DPYSL2: variants seen among roughly 807,000 people sequenced by gnomAD.
DPYSL2 encodes the protein dihydropyrimidinase like 2.
A neutral mutation model predicts 69.9 loss-of-function variants in DPYSL2; 13 were observed. The ratio of observed to expected loss-of-function variants is 0.19; its 90% CI spans 0.12 to 0.30. DPYSL2 has a LOEUF of 0.30. DPYSL2 is among the 10% of genes least tolerant of loss of function. The probability of loss-of-function intolerance (pLI) is 1.00; values close to 1 mark genes in which losing one functional copy is unlikely to be tolerated. For synonymous variants in DPYSL2, 326 were observed against 359.1 expected (o/e 0.91, Z 1.04); for missense variants, 587 against 918.9 (o/e 0.64, Z 4.67).
intron 1 of DPYSL2, among the ~76,000 whole-genome samples, chr8:26,581,065 AC>A (rs1801481834): frequency 6.6e-6 from 1 of 152,194 alleles, no homozygotes; most frequent in South Asian, 2.1e-4. Context: ...GTGGGAGTTT[AC>A]CTTTTTCTTA....
intron 3 of DPYSL2, among the ~76,000 whole-genome samples, chr8:26,592,284 T>C (rs1404212894): frequency 6.6e-6 from 1 of 152,132 alleles, no homozygotes; most frequent in Non-Finnish European, 1.5e-5. Flanking sequence ...GTCCCAGTAG[T>C]TGGGACTGTA....
rs531244886 is a variant in DPYSL2 at position 26,527,193 on chromosome 8, A to G, written c.354+12514A>G. On this transcript the variant is annotated intron_variant, in intron 1 of 13. Coordinates refer to ENST00000521913, the MANE Select transcript of DPYSL2 (RefSeq NM_001197293.3). ...ATTTCTGTTCAACAGGAGAATGCCC[A>G]ACCCTGCTGTGACTGGCAGGTCAGC... is the stretch of plus-strand genomic sequence containing the variant. Among the ~76,000 whole-genome samples the G allele has an allele frequency of 2.5e-3, 384 of 152,322 alleles. 2 individuals carry two copies. Among genetic ancestry groups the G allele is most frequent in the Non-Finnish European group, 4.5e-3 (308 of 68,028 alleles).
chr8:26,640,027 G>T lies in DPYSL2; in HGVS notation c.1127-3412G>T, dbSNP rs1803005322. 6.6e-6 allele frequency among the ~76,000 whole-genome samples: 1 copy of T among 152,206 alleles called. No homozygotes were observed. Among genetic ancestry groups the T allele is most frequent in the African/African-American group, 2.4e-5 (1 of 41,458 alleles). On this transcript the variant is annotated intron_variant, in intron 8 of 13. Coordinates refer to ENST00000521913, the MANE Select transcript of DPYSL2 (RefSeq NM_001197293.3). This position sits in a 1 kb window ranked among gnomAD's most constrained non-coding sequence, Gnocchi z 4.2. ...AGGCAAAGGAGAATGGTGAGAGCGT[G>T]TGTAACTGTCTGTCTGTCTGTCCAT...
chr8:26,518,121 C>T (rs758399816), intron 1 of DPYSL2, among the ~76,000 whole-genome samples: 2 of 152,206 alleles, frequency 1.3e-5, no homozygotes, highest in African/African-American at 2.4e-5. Context: ...AGGCAAACAA[C>T]TGATGCCCAA....
intron 1 of DPYSL2, chr8:26,578,143 T>C (rs1020619554): frequency 6.3e-7 from 1 of 1,586,340 alleles, no homozygotes; most frequent in Non-Finnish European, 8.5e-7. Context: ...TGCACCCTTT[T>C]CAATCTTGCA....
chr8:26,597,068 TA>T lies in DPYSL2; in HGVS notation c.628+13086del, dbSNP rs1303491320. Among the ~76,000 whole-genome samples the T allele has an allele frequency of 6.6e-6, 1 of 152,234 alleles. No individual in the cohort carries two copies. The highest frequency in any genetic ancestry group is 1.5e-5 in the Non-Finnish European group (1 of 68,034). On this transcript the variant is annotated intron_variant, in intron 3 of 13. Transcript: ENST00000521913. This position sits in a 1 kb window ranked among gnomAD's most constrained non-coding sequence, Gnocchi z 5.2. The stretch of plus-strand genomic sequence containing the variant: ...ATAGGCAGAAAATGATCAGATATCA[TA>T]CGTCTCCTACTAAGTGGGAGGCTGC...
chr8:26,601,814 A>G (rs1466867921), intron 3 of DPYSL2, among the ~76,000 whole-genome samples: 3 of 152,248 alleles, frequency 2.0e-5, no homozygotes, highest in Non-Finnish European at 4.4e-5. Flanking sequence ...GCCTGGAACA[A>G]AGACAGTACT....
rs542336656 is a variant in DPYSL2, at chr8:26,559,140, A to G, written c.355-22829A>G. 3.3e-5 allele frequency among the ~76,000 whole-genome samples: 5 copies of G among 152,138 alleles called. No homozygotes were observed. In the East Asian group the frequency reaches 9.6e-4, roughly 29 times the overall value. ...TGTATTTTAGTAGAGTTGGGGTTTC[A>G]CCGTGTTGCCCAGGCTGGTCTCGAA... On this transcript the variant is annotated intron_variant, in intron 1 of 13. Transcript: ENST00000521913.
Position 26,650,763 on chromosome 8 carries a change from C to T in DPYSL2, c.1597-1494C>T, listed in dbSNP as rs144255393. ...GGGTGGCAGAAAATCTCGCAGGCCT[C>T]GACCTTGGCATTGGTTGCCAAGAGG... is the stretch of plus-strand genomic sequence containing the variant. On this transcript the variant is annotated intron_variant, in intron 11 of 13. Transcript: ENST00000521913. The surrounding 1 kb of genome is among the most constrained non-coding windows in gnomAD (Gnocchi z 5.3). 4.9e-3 allele frequency among the ~76,000 whole-genome samples: 748 copies of T among 152,258 alleles called. 5 individuals are homozygous for T. The highest frequency in any genetic ancestry group is 0.017 in the African/African-American group (724 of 41,556).
Position 26,627,811 on chromosome 8 carries a change from G to GC in DPYSL2, c.937-59dup, listed in dbSNP as rs1802654640. On this transcript the variant is annotated intron_variant, in intron 6 of 13. Transcript: ENST00000521913. The surrounding 1 kb of genome is among the most constrained non-coding windows in gnomAD (Gnocchi z 6.9). ...CGGATAACTGCATGCCCGGGCCTCTGCCATCAGAGCTGTGCAAAATCCACT... is the reference window on the plus strand; with the variant it reads ...CGGATAACTGCATGCCCGGGCCTCTGCCCATCAGAGCTGTGCAAAATCCACT... The GC allele has an allele frequency of 6.4e-7, 1 of 1,555,844 alleles. No homozygotes were observed. The highest frequency in any genetic ancestry group is 1.1e-5 in the South Asian group (1 of 87,510).
At chr8:26,524,284 A>G (rs1808439991) in intron 1 of DPYSL2, among the ~76,000 whole-genome samples, 1 of 152,168 alleles carries the variant, frequency 6.6e-6, no homozygotes, top group Non-Finnish European at 1.5e-5. Flanking sequence ...GCATCTTTTC[A>G]CAAAAGATTA....
intron 3 of DPYSL2, among the ~76,000 whole-genome samples, chr8:26,600,987 C>T (rs1456936002): frequency 6.6e-6 from 1 of 152,196 alleles, no homozygotes; most frequent in Admixed American, 6.5e-5. Flanking sequence ...TCCAGTGTCA[C>T]CCTTCTGACA....
intron 1 of DPYSL2, among the ~76,000 whole-genome samples, chr8:26,549,607 C>A (rs1800839935): frequency 6.6e-6 from 1 of 152,020 alleles, no homozygotes; most frequent in Admixed American, 6.6e-5. Context: ...AAAATCTATC[C>A]CTGGGCATAT....
intron 1 of DPYSL2, among the ~76,000 whole-genome samples, chr8:26,556,998 T>TATCCA (rs1800999061): frequency 6.6e-6 from 1 of 152,138 alleles, no homozygotes; most frequent in African/African-American, 2.4e-5. Flanking sequence ...CAACAAATGA[T>TATCCA]GCTGGAACAA....
Position 26,564,929 on chromosome 8 carries a change from C to T in DPYSL2, c.355-17040C>T, listed in dbSNP as rs11776664. Among the ~76,000 whole-genome samples, 15,552 of 152,028 alleles carry T rather than the reference C, an allele frequency of 0.1. 878 individuals are homozygous for T. The highest frequency in any genetic ancestry group is 0.12 in the Non-Finnish European group (8,230 of 67,960). ...TTTTATGCCTAGCCCCATTCCCACC[C>T]TCCTTCTTCTGAGTCTCCAAAGTCC... On this transcript the variant is annotated intron_variant, in intron 1 of 13. Transcript: ENST00000521913. The surrounding 1 kb of genome is among the most constrained non-coding windows in gnomAD (Gnocchi z 4.8).
At chr8:26,633,684 C>G (rs1475179332) in intron 7 of DPYSL2, among the ~76,000 whole-genome samples, 1 of 151,808 alleles carries the variant, frequency 6.6e-6, no homozygotes, top group Non-Finnish European at 1.5e-5. Flanking sequence ...CCATGTTGGT[C>G]AGGCTGGTCT....
chr8:26,525,269 G>C (rs1217916521), intron 1 of DPYSL2, among the ~76,000 whole-genome samples: 1 of 152,214 alleles, frequency 6.6e-6, no homozygotes, highest in Non-Finnish European at 1.5e-5. Context: ...ACCCAGGCTG[G>C]AGTGCGGTGG....
chr8:26,536,328 G>A (rs1029858800), intron 1 of DPYSL2, among the ~76,000 whole-genome samples: 74 of 151,734 alleles, frequency 4.9e-4, no homozygotes, highest in Admixed American at 4.6e-4. Context: ...CAAAGTGCTG[G>A]GATTACATGC....
rs1803211864 is a variant in DPYSL2, at chr8:26,648,186, A to T, written c.1596+386A>T. On this transcript the variant is annotated intron_variant, in intron 11 of 13. Transcript: ENST00000521913. This position sits in a 1 kb window ranked among gnomAD's most constrained non-coding sequence, Gnocchi z 4.3. ...AAGCAGTGAGATGTCCTCTCCTGAG[A>T]TGCCCACTGGGGACTTTGATCCTCT... Among the ~76,000 whole-genome samples the T allele has an allele frequency of 6.6e-6, 1 of 152,188 alleles. No homozygotes were observed. Among genetic ancestry groups the T allele is most frequent in the South Asian group, 2.1e-4 (1 of 4,824 alleles).
Sources: allele counts gnomAD v4.1 joint callset (sites outside exome capture counted in the v4.1 genomes callset), GRCh38; gene constraint gnomAD v4.1.1; non-coding constraint Gnocchi (gnomAD v3.1); transcripts MANE v1.5; gene names NCBI Gene and HGNC (gene_info 2026-07-23, HGNC 2026-07-21).